The following SRP68 variants were observed in gnomAD, a reference collection of about 807,000 sequenced individuals.
The protein encoded by SRP68 is signal recognition particle subunit SRP68.
SRP68 carries 15 observed loss-of-function variants against 82.2 expected under a neutral mutation model. That is an observed-to-expected ratio of 0.18 (90% confidence interval 0.12 to 0.28). The LOEUF (loss-of-function observed/expected upper bound fraction) is 0.28, where lower values mean the gene tolerates loss of function less well. SRP68 is among the 10% of genes least tolerant of loss of function. The pLI is 1.00. For synonymous variants in SRP68, 261 were observed against 292.6 expected (o/e 0.89, Z 1.10); for missense variants, 595 against 780.5 (o/e 0.76, Z 2.83).
In SRP68 at chr17:76,062,487, TATATATATATA is replaced by T. The variant is rs1443614428; in HGVS notation, c.562-924_562-914del. On this transcript the variant is annotated intron_variant, in intron 4 of 15. Coordinates refer to ENST00000307877, the MANE Select transcript of SRP68 (RefSeq NM_014230.4). ...AAAACCCAAACAAAGAATATGGAGA[TATATATATATA>T]ATATATATATAATATACATTATATA... 6.2e-4 allele frequency among the ~76,000 whole-genome samples: 68 copies of T among 110,482 alleles called. 1 individual carries two copies. Among genetic ancestry groups the T allele is most frequent in the African/African-American group, 1.7e-3 (47 of 26,940 alleles). The allele number at this position is 110,482 out of a possible 152,430, so 72.5% of individuals were successfully genotyped here.
At chr17:76,053,809 T>C (rs2066693276) in intron 8 of SRP68, among the ~76,000 whole-genome samples, 1 of 152,228 alleles carries the variant, frequency 6.6e-6, no homozygotes, top group African/African-American at 2.4e-5. Flanking sequence ...TATATTTTGC[T>C]ATTTACACTT....
Position 76,043,819 on chromosome 17 carries a change from A to C in SRP68, c.1524+10T>G, listed in dbSNP as rs746334882. On this transcript the variant is annotated intron_variant, in intron 13 of 15. Transcript: ENST00000307877. ...CAGGGCTTGCAAACAAGGAGAGGCC[A>C]ACCTCTCACCTTTAGGCTGTTCTTG... 1.5e-5 allele frequency: 24 copies of C among 1,585,210 alleles called. No homozygotes were observed. In the Admixed American group the frequency reaches 3.5e-4, roughly 23 times the overall value.
chr17:76,046,271 GC>G (rs1411526682), intron 10 of SRP68, 77 bp from the exon 11 acceptor site: 6 of 1,560,238 alleles, frequency 3.8e-6, no homozygotes, highest in Non-Finnish European at 5.3e-6. Context: ...ACAAGTTGGG[GC>G]TGACCCAGAG....
At chr17:76,062,536 CATTATATATT>C (rs1174996433) in intron 4 of SRP68, among the ~76,000 whole-genome samples, 6 of 101,190 alleles carry the variant, frequency 5.9e-5, no homozygotes, top group Admixed American at 3.0e-4. Context: ...ATATAATATA[CATTATATATT>C]ATATAATATA....
At chr17:76,040,016 T>C in intron 15 of SRP68, 83 bp from the exon 16 acceptor site, 1 of 1,392,368 alleles carries the variant, frequency 7.2e-7, no homozygotes, top group Non-Finnish European at 9.9e-7. Context: ...ACTGCCTGGT[T>C]CAGAGCTTTA....
chr17:76,072,407 C>A lies in SRP68; in HGVS notation c.85G>T (p.Gly29Cys). 1 of 1,599,030 alleles carries A rather than the reference C, an allele frequency of 6.3e-7. No homozygotes were observed. Among genetic ancestry groups the A allele is most frequent in the Non-Finnish European group, 8.5e-7 (1 of 1,178,098 alleles). ...TCTTCCCCTCCGGCACCACGTCCAC[C>A]GCCGCTACCGCCGCCGCCACTGCCA... ...GGGSGGGGSG[G>C]GRGAGGEENK... The change falls in exon 1 of 16, where the codon GGT becomes TGT. Residue 29 changes from glycine (G) to cysteine (C), a missense_variant. Physicochemically the swap from Gly to Cys is radical, Grantham distance 159. Coordinates refer to ENST00000307877, the MANE Select transcript of SRP68 (RefSeq NM_014230.4). The surrounding 1 kb of genome is among the most constrained non-coding windows in gnomAD (Gnocchi z 4.5).
At chr17:76,046,590 C>G (rs2665979) in intron 10 of SRP68, among the ~76,000 whole-genome samples, 1 of 150,708 alleles carries the variant, frequency 6.6e-6, no homozygotes, top group South Asian at 2.1e-4. Context: ...CACTCCAGCC[C>G]GAGTAATAGA....
chr17:76,058,588 T>C (rs2066728757), intron 7 of SRP68, among the ~76,000 whole-genome samples: 1 of 152,168 alleles, frequency 6.6e-6, no homozygotes, highest in African/African-American at 2.4e-5. Context: ...AATTTCTCCC[T>C]GGTATCATAT....
In SRP68 at chr17:76,045,370, A is replaced by G; in HGVS notation, c.1316T>C (p.Leu439Pro). ...DIILQNLVEL[L>P]QLPGLEEDKA... ...GTCTTCCTCTAAACCAGGAAGCTGG[A>G]GCAATTCCACCAGATTCTGTACAAC... is the stretch of plus-strand genomic sequence containing the variant. Residue 439 changes from leucine (L) to proline (P), a missense_variant, in exon 12 of 16, where the codon CTC (leucine) becomes CCC (proline). Coordinates refer to ENST00000307877, the MANE Select transcript of SRP68 (RefSeq NM_014230.4). The G allele has an allele frequency of 6.2e-7, 1 of 1,612,698 alleles. No individual in the cohort carries two copies. The highest frequency in any genetic ancestry group is 8.5e-7 in the Non-Finnish European group (1 of 1,178,872).
chr17:76,044,020 T>C, intron 12 of SRP68, 62 bp from the exon 13 acceptor site: 1 of 1,549,002 alleles, frequency 6.5e-7, no homozygotes, highest in Non-Finnish European at 8.6e-7. Context: ...ACCAAGGCTT[T>C]CCTTGCAGTT....
Position 76,060,389 on chromosome 17 carries a change from C to T in SRP68, c.756G>A (p.Gly252=), listed in dbSNP as rs200855791. The T allele has an allele frequency of 1.2e-4, 198 of 1,611,262 alleles. No individual in the cohort carries two copies. The East Asian group carries it at 4.4e-3, about 36-fold the overall frequency. The change falls in exon 7 of 16, where the codon GGG becomes GGA. Residue 252 remains glycine (G), a splice_region_variant and synonymous_variant. Transcript: ENST00000307877. The stretch of plus-strand genomic sequence containing the variant: ...TGAGTTCATTGATGGCTGACTGGTC[C>T]CCTAAGAGAGAAAGACAGGAAAATC... The part of the protein sequence containing the change: ...PNIRYCAYNI[G]DQSAINELMQ...
intron 4 of SRP68, among the ~76,000 whole-genome samples, chr17:76,063,396 A>T (rs760078558): frequency 3.2e-4 from 49 of 152,288 alleles, no homozygotes; most frequent in Non-Finnish European, 5.4e-4. Context: ...AAAAAGTTAC[A>T]GCTAGATGGC....
chr17:76,057,716 C>T (rs2066722464), intron 7 of SRP68, among the ~76,000 whole-genome samples, 173 bp from the exon 8 acceptor site: 1 of 152,118 alleles, frequency 6.6e-6, no homozygotes, highest in Non-Finnish European at 1.5e-5. Flanking sequence ...GCTCTGTCAC[C>T]CAGGCTGGAG....
chr17:76,070,238 A>AAAAC, intron 2 of SRP68, 140 bp downstream of exon 2: 1 of 716,172 alleles, frequency 1.4e-6, no homozygotes, highest in Non-Finnish European at 2.3e-6. Context: ...AAAAAAAAAA[A>AAAAC]ACAAAGCAAA....
intron 11 of SRP68, 121 bp from the exon 12 acceptor site, chr17:76,045,507 G>T: frequency 1.4e-6 from 1 of 693,124 alleles, no homozygotes; most frequent in South Asian, 1.8e-5. Flanking sequence ...TCAATACGAT[G>T]GGGAAAAGCC....
At chr17:76,039,959 T>G in intron 15 of SRP68, 26 bp from the exon 16 acceptor site, 1 of 1,609,560 alleles carries the variant, frequency 6.2e-7, no homozygotes, top group African/African-American at 1.3e-5. Context: ...AAGAGACGTA[T>G]GTAGCATCGG....
At chr17:76,040,206 C>A (rs974249769) in intron 15 of SRP68, among the ~76,000 whole-genome samples, 1 of 152,206 alleles carries the variant, frequency 6.6e-6, no homozygotes, top group Non-Finnish European at 1.5e-5. Context: ...ACGGGTGCTA[C>A]TCTTTACAGC....
At chr17:76,065,975 T>G (rs1288650712) in intron 3 of SRP68, among the ~76,000 whole-genome samples, 1 of 151,586 alleles carries the variant, frequency 6.6e-6, no homozygotes, top group East Asian at 1.9e-4. Context: ...CCTATGTGAA[T>G]GGGCGTGGCT....
At chr17:76,062,898 G>A (rs1030495614) in intron 4 of SRP68, among the ~76,000 whole-genome samples, 2 of 147,298 alleles carry the variant, frequency 1.4e-5, no homozygotes, top group Admixed American at 7.1e-5. Context: ...TGCCTCCTGA[G>A]TAGCTGGGAC....
Sources: gnomAD v4.1 joint callset for allele counts (sites outside exome capture counted in the v4.1 genomes callset) on GRCh38, gnomAD v4.1.1 for gene constraint, Gnocchi (gnomAD v3.1) non-coding constraint, MANE v1.5 for transcripts, NCBI Gene and HGNC (gene_info 2026-07-23, HGNC 2026-07-21) for gene names.